Variants in ELOVL5 observed in about 807,000 individuals in gnomAD.
ELOVL5 encodes very long chain fatty acid elongase 5.
Under a neutral mutation model 38.6 loss-of-function variants are expected in ELOVL5, and 8 were observed. The ratio of observed to expected loss-of-function variants is 0.21; its 90% CI spans 0.12 to 0.37. The LOEUF (loss-of-function observed/expected upper bound fraction) is 0.37, where lower values mean the gene tolerates loss of function less well. ELOVL5 is among the 10% of genes least tolerant of loss of function. The probability of loss-of-function intolerance (pLI) is 1.00; values close to 1 mark genes in which losing one functional copy is unlikely to be tolerated. For synonymous variants in ELOVL5, 127 were observed against 133.7 expected (o/e 0.95, Z 0.34); for missense variants, 280 against 367.8 (o/e 0.76, Z 1.95).
intron 3 of ELOVL5, among the ~76,000 whole-genome samples, chr6:53,276,705 T>G (rs1010871164): frequency 1.3e-5 from 2 of 152,074 alleles, no homozygotes; most frequent in African/African-American, 4.8e-5. Context: ...CTGGGGGTGT[T>G]TCTGTTCCAG....
chr6:53,294,004 A>T, intron 2 of ELOVL5: 3 of 913,642 alleles, frequency 3.3e-6, no homozygotes, highest in Non-Finnish European at 2.8e-6. Flanking sequence ...TAAGAAAACC[A>T]GTTCCCACTT....
intron 1 of ELOVL5, among the ~76,000 whole-genome samples, chr6:53,320,361 T>A (rs181614400): frequency 6.6e-6 from 1 of 151,536 alleles, no homozygotes; most frequent in Non-Finnish European, 1.5e-5. Context: ...TTTTGAGACA[T>A]AGTTGCGCTC....
intron 1 of ELOVL5, among the ~76,000 whole-genome samples, chr6:53,316,523 G>C (rs942749068): frequency 2.0e-5 from 3 of 152,104 alleles, no homozygotes; most frequent in Admixed American, 6.6e-5. Context: ...TTTAAACTGG[G>C]GGGTTGGTAA....
chr6:53,285,188 T>G (rs1364838986), intron 3 of ELOVL5, among the ~76,000 whole-genome samples: 1 of 152,132 alleles, frequency 6.6e-6, no homozygotes, highest in East Asian at 1.9e-4. Context: ...ACGTTGTGAA[T>G]GCAAAGGAAA....
chr6:53,347,402 C>A (rs1482924556), intron 1 of ELOVL5, among the ~76,000 whole-genome samples: 1 of 152,156 alleles, frequency 6.6e-6, no homozygotes, highest in Non-Finnish European at 1.5e-5. Flanking sequence ...AGATGGAAGG[C>A]TAAAATGTTT....
At chr6:53,348,313 G>C (rs1281963291) in intron 1 of ELOVL5, among the ~76,000 whole-genome samples, 1 of 151,816 alleles carries the variant, frequency 6.6e-6, no homozygotes, top group Non-Finnish European at 1.5e-5. Flanking sequence ...GCGGCGCCCG[G>C]TGCCCGCAGA....
At chr6:53,285,378 C>T (rs1047373164) in intron 3 of ELOVL5, among the ~76,000 whole-genome samples, 10 of 152,160 alleles carry the variant, frequency 6.6e-5, no homozygotes, top group Non-Finnish European at 8.8e-5. Context: ...TCTGTGAAGC[C>T]TGGGAGAGGT....
intron 3 of ELOVL5, among the ~76,000 whole-genome samples, chr6:53,284,044 G>A (rs543379044): frequency 3.4e-4 from 51 of 151,464 alleles, no homozygotes; most frequent in South Asian, 2.1e-4. Context: ...GGTGGCTCAC[G>A]CCTGTAATCC....
At chr6:53,298,721 G>T (rs1411948965) in intron 1 of ELOVL5, among the ~76,000 whole-genome samples, 2 of 152,104 alleles carry the variant, frequency 1.3e-5, no homozygotes, top group Non-Finnish European at 2.9e-5. Context: ...CTCGGCAGGG[G>T]CACTGCTGGC....
Position 53,268,561 on chromosome 6 carries a change from A to G in ELOVL5, c.*566T>C, listed in dbSNP as rs987840147. 2 of 152,666 alleles carry G rather than the reference A, an allele frequency of 1.3e-5. No homozygotes were observed. The highest frequency in any genetic ancestry group is 4.8e-5 in the African/African-American group (2 of 41,458). 9.5% of individuals were successfully genotyped at this position (152,666 alleles called of 1,614,324 possible). On this transcript the variant is annotated 3_prime_UTR_variant, in exon 8 of 8. Transcript: ENST00000304434. The stretch of plus-strand genomic sequence containing the variant: ...AACTGAAGGTGCCGTGTCTGATTTC[A>G]CATCAACAAGTCACTGGAAATTATG...
At chr6:53,285,398 G>A (rs551028691) in intron 3 of ELOVL5, among the ~76,000 whole-genome samples, 2 of 152,186 alleles carry the variant, frequency 1.3e-5, no homozygotes, top group Non-Finnish European at 2.9e-5. Flanking sequence ...TGATGAAGCT[G>A]CAGAAGAAAA....
intron 6 of ELOVL5, 145 bp from the exon 7 acceptor site, chr6:53,270,872 A>C: frequency 1.3e-6 from 1 of 785,088 alleles, no homozygotes. Flanking sequence ...CTTCATGAAC[A>C]CAACACATAC....
chr6:53,285,251 A>G (rs1766523514), intron 3 of ELOVL5, among the ~76,000 whole-genome samples: 1 of 152,232 alleles, frequency 6.6e-6, no homozygotes, highest in Admixed American at 6.5e-5. Context: ...AAATGATGAG[A>G]AAGCATTAGT....
Position 53,269,097 on chromosome 6 carries a change from C to T in ELOVL5, c.*30G>A, listed in dbSNP as rs192430033. ...TCATATTGTGCTTACAATCAGATGACGTGGTTTGGAGGGTTTCAATTCTTT... is the reference window on the plus strand; with the variant it reads ...TCATATTGTGCTTACAATCAGATGATGTGGTTTGGAGGGTTTCAATTCTTT... On this transcript the variant is annotated 3_prime_UTR_variant, in exon 8 of 8. Transcript: ENST00000304434. 13 of 1,607,938 alleles carry T rather than the reference C, an allele frequency of 8.1e-6. No individual in the cohort carries two copies. Among genetic ancestry groups the T allele is most frequent in the South Asian group, 5.5e-5 (5 of 90,286 alleles).
intron 1 of ELOVL5, among the ~76,000 whole-genome samples, chr6:53,303,803 A>G (rs1182479041): frequency 6.6e-6 from 1 of 152,172 alleles, no homozygotes; most frequent in African/African-American, 2.4e-5. Context: ...GCACTTTTTA[A>G]CCATCGCTGG....
chr6:53,300,754 C>T (rs1581949943), intron 1 of ELOVL5, among the ~76,000 whole-genome samples: 1 of 152,182 alleles, frequency 6.6e-6, no homozygotes, highest in African/African-American at 2.4e-5. Context: ...GTGCCCAGGC[C>T]TTGCTCAGCA....
chr6:53,297,142 G>A (rs1767036340), intron 1 of ELOVL5, among the ~76,000 whole-genome samples: 1 of 151,976 alleles, frequency 6.6e-6, no homozygotes, highest in South Asian at 2.1e-4. Context: ...GAAGGCACCA[G>A]CTCCCTGAAG....
chr6:53,336,910 AG>A (rs1320295923), intron 1 of ELOVL5: 1 of 152,142 alleles, frequency 6.6e-6, no homozygotes, highest in East Asian at 1.9e-4. Context: ...TTTACTATAA[AG>A]GTAAACCTTG....
intron 3 of ELOVL5, among the ~76,000 whole-genome samples, chr6:53,289,922 GATTT>G (rs1766712338): frequency 6.6e-6 from 1 of 152,124 alleles, no homozygotes; most frequent in African/African-American, 2.4e-5. Flanking sequence ...TTGTAAACTT[GATTT>G]AATTTAAGGA....
Sources: allele counts gnomAD v4.1 joint callset (sites outside exome capture counted in the v4.1 genomes callset), GRCh38; gene constraint gnomAD v4.1.1; transcripts MANE v1.5; gene names NCBI Gene and HGNC (gene_info 2026-07-23, HGNC 2026-07-21).